Variants in GPHN observed in about 807,000 individuals in gnomAD.
The protein encoded by GPHN is gephyrin.
Under a neutral mutation model 95.5 loss-of-function variants are expected in GPHN, and 17 were observed. The observed-to-expected ratio is 0.18, with a 90% CI of 0.12 to 0.27. The LOEUF (loss-of-function observed/expected upper bound fraction) is 0.27. Among genes scored for constraint, GPHN ranks in the 10% least tolerant of loss-of-function variants. The probability of loss-of-function intolerance (pLI) is 1.00; values close to 1 mark genes in which losing one functional copy is unlikely to be tolerated. For missense variants in GPHN, 660 were observed against 978.1 expected (o/e 0.67, Z 4.34); for synonymous variants, 320 against 322.5 (o/e 0.99, Z 0.08).
the GPHN span, among the ~76,000 whole-genome samples, chr14:67,193,357 TATATA>T: frequency 0.014 from 1,949 of 137,442 alleles, 29 homozygotes; most frequent in Non-Finnish European, 0.022. Context: ...TATATAGAGA[TATATA>T]ATCTATCTAT....
chr14:67,475,857 C>T, the GPHN span, among the ~76,000 whole-genome samples: 1 of 152,244 alleles, frequency 6.6e-6, no homozygotes, highest in African/African-American at 2.4e-5. Flanking sequence ...CAGGTGCCAC[C>T]CCAATGGCTT....
chr14:67,210,122 A>G, the GPHN span, among the ~76,000 whole-genome samples: 2 of 152,260 alleles, frequency 1.3e-5, no homozygotes, highest in Admixed American at 6.5e-5. Flanking sequence ...GTAACATGTC[A>G]AAGAAATCAT....
At chr14:67,674,897 G>T in the GPHN span, 2 of 157,040 alleles carry the variant, frequency 1.3e-5, no homozygotes, top group African/African-American at 2.4e-5. Flanking sequence ...GCCGGCGAGG[G>T]GCGGGCGCTG....
At chr14:67,299,699 T>C in the GPHN span, among the ~76,000 whole-genome samples, 2 of 152,170 alleles carry the variant, frequency 1.3e-5, no homozygotes, top group South Asian at 4.1e-4. Flanking sequence ...AAGCAACATA[T>C]AGGTTAGTAG....
At chr14:66,625,706 C>T (rs1334939508) in intron 1 of GPHN, among the ~76,000 whole-genome samples, 1 of 152,182 alleles carries the variant, frequency 6.6e-6, no homozygotes, top group South Asian at 2.1e-4. Flanking sequence ...AATAAAATCA[C>T]AGTGTGGTTT....
At chr14:67,201,522 G>C in the GPHN span, 1 of 455,950 alleles carries the variant, frequency 2.2e-6, no homozygotes, top group South Asian at 1.5e-5. Context: ...TCTGTCTCCT[G>C]GTGGCTCTGA....
At chr14:66,823,892 T>C (rs1242796736) in intron 3 of GPHN, among the ~76,000 whole-genome samples, 3 of 152,258 alleles carry the variant, frequency 2.0e-5, no homozygotes, top group Non-Finnish European at 4.4e-5. Flanking sequence ...ATGATTATAA[T>C]TTAATGAGCA....
At chr14:67,466,081 T>G in the GPHN span, among the ~76,000 whole-genome samples, 1 of 152,246 alleles carries the variant, frequency 6.6e-6, no homozygotes, top group Non-Finnish European at 1.5e-5. Flanking sequence ...GCTACTCATT[T>G]TGTGGTAATT....
At chr14:66,723,762 T>C (rs1051785215) in intron 2 of GPHN, among the ~76,000 whole-genome samples, 2 of 152,172 alleles carry the variant, frequency 1.3e-5, no homozygotes, top group African/African-American at 2.4e-5. Flanking sequence ...ACAACATTCC[T>C]GTTTTTATTT....
chr14:66,719,758 C>A (rs1389938541), intron 2 of GPHN, among the ~76,000 whole-genome samples: 2 of 151,936 alleles, frequency 1.3e-5, no homozygotes, highest in Non-Finnish European at 2.9e-5. Flanking sequence ...AGGATGAGAC[C>A]CAGAAATAGA....
intron 17 of GPHN, among the ~76,000 whole-genome samples, chr14:67,133,704 C>T (rs2079864745): frequency 1.3e-5 from 2 of 152,160 alleles, no homozygotes; most frequent in Non-Finnish European, 2.9e-5. Flanking sequence ...CTGATGAGTA[C>T]ATACACTTTT....
At chr14:66,552,081 C>T (rs2059833973) in intron 1 of GPHN, among the ~76,000 whole-genome samples, 1 of 152,180 alleles carries the variant, frequency 6.6e-6, no homozygotes, top group Non-Finnish European at 1.5e-5. Flanking sequence ...ATCATGAAGT[C>T]ATCTTAGACA....
At chr14:66,617,647 C>T (rs1345277459) in intron 1 of GPHN, among the ~76,000 whole-genome samples, 1 of 152,188 alleles carries the variant, frequency 6.6e-6, no homozygotes, top group African/African-American at 2.4e-5. Flanking sequence ...TGTTTCTACT[C>T]TGCCATCTAG....
rs2057879856 is a variant in GPHN, at chr14:66,508,474, T to C, written c.-54T>C. 3.8e-6 allele frequency: 6 copies of C among 1,562,554 alleles called. No individual in the cohort carries two copies. The highest frequency in any genetic ancestry group is 5.3e-6 in the Non-Finnish European group (6 of 1,133,404). Reference sequence around the variant, plus strand: ...GCGAGCGCGCTCCCGGCCCGCGCGCTCCGGGCTCCGGTTTCTCCCGGCTCC... The same window carrying C: ...GCGAGCGCGCTCCCGGCCCGCGCGCCCCGGGCTCCGGTTTCTCCCGGCTCC... On this transcript the variant is annotated 5_prime_UTR_variant, in exon 1 of 23. Coordinates refer to ENST00000478722, the MANE Select transcript of GPHN (RefSeq NM_020806.5).
At chr14:66,795,565 G>A (rs1280513302) in intron 3 of GPHN, among the ~76,000 whole-genome samples, 5 of 148,170 alleles carry the variant, frequency 3.4e-5, no homozygotes, top group Admixed American at 3.4e-4. Context: ...TTCTTCGAAT[G>A]TGTTTTAGGG....
intron 10 of GPHN, among the ~76,000 whole-genome samples, chr14:67,049,421 G>A (rs1198581014): frequency 6.6e-6 from 1 of 151,496 alleles, no homozygotes; most frequent in African/African-American, 2.4e-5. Flanking sequence ...GTAGAGACGG[G>A]GTTTCACCGT....
chr14:67,374,572 A>C, the GPHN span: 2 of 1,472,118 alleles, frequency 1.4e-6, no homozygotes, highest in Non-Finnish European at 1.9e-6. Context: ...GAGTCAAATT[A>C]GTCCACTATC....
chr14:67,719,285 C>A, the GPHN span, among the ~76,000 whole-genome samples: 2 of 152,198 alleles, frequency 1.3e-5, no homozygotes, highest in African/African-American at 2.4e-5. Context: ...TAATCAGTAA[C>A]CTGACAATTA....
chr14:66,903,653 T>C (rs2065230661), intron 5 of GPHN, among the ~76,000 whole-genome samples: 1 of 152,208 alleles, frequency 6.6e-6, no homozygotes, highest in African/African-American at 2.4e-5. Context: ...AATGTTATTA[T>C]TGATAAGTAA....
Sources: allele counts gnomAD v4.1 joint callset (sites outside exome capture counted in the v4.1 genomes callset), GRCh38; gene constraint gnomAD v4.1.1; transcripts MANE v1.5; gene names NCBI Gene and HGNC (gene_info 2026-07-23, HGNC 2026-07-21).